Variants in ZNF644 observed in about 807,000 individuals in gnomAD.
ZNF644 encodes the protein zinc finger protein 644, also known as zinc finger motif enhancer binding protein 2.
Under a neutral mutation model 108.0 loss-of-function variants are expected in ZNF644, and 20 were observed. That is an observed-to-expected ratio of 0.19 (90% CI 0.13 to 0.27). The LOEUF (loss-of-function observed/expected upper bound fraction) is 0.27. Among genes scored for constraint, ZNF644 ranks in the 10% least tolerant of loss-of-function variants. The probability of loss-of-function intolerance (pLI) is 1.00; values close to 1 mark genes in which losing one functional copy is unlikely to be tolerated. For missense variants in ZNF644, 1,338 were observed against 1,548.9 expected (o/e 0.86, Z 2.29); for synonymous variants, 542 against 539.1 (o/e 1.01, Z -0.08).
chr1:91,009,354 A>G (rs1659736636), intron 1 of ZNF644, among the ~76,000 whole-genome samples: 1 of 152,088 alleles, frequency 6.6e-6, no homozygotes, highest in South Asian at 2.1e-4. Flanking sequence ...AAACTGTATT[A>G]CTTCTATTTT....
chr1:90,967,211 G>A (rs1222160291), intron 2 of ZNF644, among the ~76,000 whole-genome samples: 3 of 152,028 alleles, frequency 2.0e-5, no homozygotes, highest in Non-Finnish European at 2.9e-5. Flanking sequence ...CTTCACCATA[G>A]GGCCTCTGTA....
At chr1:90,953,297 C>G (rs1028056128) in intron 2 of ZNF644, among the ~76,000 whole-genome samples, 5 of 103,550 alleles carry the variant, frequency 4.8e-5, no homozygotes, top group Admixed American at 1.0e-4. Context: ...AATGAGCCAC[C>G]ATTTTTTTTT....
chr1:90,953,848 A>G (rs1205313607), intron 2 of ZNF644, among the ~76,000 whole-genome samples: 1 of 151,994 alleles, frequency 6.6e-6, no homozygotes, highest in African/African-American at 2.4e-5. Flanking sequence ...CCTGGGAGGC[A>G]GAGGTTGCAG....
chr1:90,927,598 AT>A (rs373746358), intron 4 of ZNF644, among the ~76,000 whole-genome samples: 79 of 152,320 alleles, frequency 5.2e-4, no homozygotes, highest in Middle Eastern at 3.4e-3. Flanking sequence ...AACTCAGATA[AT>A]TCGTTACCTT....
At chr1:90,923,374 A>G (rs1649684029) in intron 4 of ZNF644, among the ~76,000 whole-genome samples, 1 of 152,100 alleles carries the variant, frequency 6.6e-6, no homozygotes, top group Non-Finnish European at 1.5e-5. Context: ...GCTGAGAAAA[A>G]TTGTTAAATC....
intron 2 of ZNF644, among the ~76,000 whole-genome samples, chr1:90,949,496 T>C (rs1319772525): frequency 6.6e-6 from 1 of 152,144 alleles, no homozygotes; most frequent in Admixed American, 6.5e-5. Context: ...ACAAAATATA[T>C]TAGTGTGCTT....
intron 1 of ZNF644, among the ~76,000 whole-genome samples, chr1:90,982,836 T>C (rs921214148): frequency 6.6e-6 from 1 of 152,044 alleles, no homozygotes; most frequent in Non-Finnish European, 1.5e-5. Flanking sequence ...ACAAAGTAAT[T>C]TGTTAGAGCA....
intron 5 of ZNF644, among the ~76,000 whole-genome samples, chr1:90,917,562 A>C (rs1283844303): frequency 2.0e-5 from 3 of 152,036 alleles, no homozygotes; most frequent in Admixed American, 2.0e-4. Context: ...CAGTGGCACG[A>C]TCTCGGCCCA....
chr1:90,992,021 G>A (rs967210341), intron 1 of ZNF644, among the ~76,000 whole-genome samples: 2 of 151,902 alleles, frequency 1.3e-5, no homozygotes, highest in African/African-American at 2.4e-5. Flanking sequence ...AAAAAAATAC[G>A]TTGAGTTAAA....
chr1:90,975,040 T>A (rs1490378702), intron 2 of ZNF644, among the ~76,000 whole-genome samples: 1 of 152,222 alleles, frequency 6.6e-6, no homozygotes, highest in African/African-American at 2.4e-5. Context: ...ACATTTTTTA[T>A]CCACATTAAT....
chr1:90,982,884 T>C (rs558869116), intron 1 of ZNF644, among the ~76,000 whole-genome samples: 3 of 152,070 alleles, frequency 2.0e-5, no homozygotes, highest in Non-Finnish European at 2.9e-5. Context: ...ACTGATTACT[T>C]ACTAAATGCC....
chr1:91,022,014 C>A lies in ZNF644; in HGVS notation c.-42G>T. 2.5e-6 allele frequency: 1 copy of A among 398,900 alleles called. No homozygotes were observed. The highest frequency in any genetic ancestry group is 4.4e-6 in the Non-Finnish European group (1 of 225,980). The allele number at this position is 398,900 out of a possible 1,614,324, so 24.7% of individuals were successfully genotyped here. The stretch of plus-strand genomic sequence containing the variant: ...CAGTTTGGTGCCGTGTGCGTCAAAC[C>A]GGGGCGACGTTGGGAGCACGCGGCG... On this transcript the variant is annotated 5_prime_UTR_variant, in exon 1 of 6. Coordinates refer to ENST00000337393, the MANE Select transcript of ZNF644 (RefSeq NM_201269.3).
At chr1:90,955,694 T>A (rs549520091) in intron 2 of ZNF644, among the ~76,000 whole-genome samples, 18 of 152,382 alleles carry the variant, frequency 1.2e-4, no homozygotes, top group African/African-American at 4.1e-4. Flanking sequence ...TTGATCTGGA[T>A]TAAGCTTTTG....
chr1:90,934,251 G>T (rs1186048126), intron 4 of ZNF644, among the ~76,000 whole-genome samples: 1 of 152,066 alleles, frequency 6.6e-6, no homozygotes, highest in Non-Finnish European at 1.5e-5. Flanking sequence ...TCAAGTTAAG[G>T]AAGAATGCAA....
At position 90,937,835 on chromosome 1, in the gene ZNF644, G is replaced by A; in HGVS notation, c.3338C>T (p.Ser1113Leu). 1.2e-6 allele frequency: 2 copies of A among 1,613,844 alleles called. No individual in the cohort carries two copies. The highest frequency in any genetic ancestry group is 1.7e-6 in the Non-Finnish European group (2 of 1,179,870). ...PRPFVAQKLASSDDFISQNVI... is the reference protein window; with the variant it reads ...PRPFVAQKLALSDDFISQNVI... ...ATTTTGAGATATAAAGTCATCACTT[G>A]ATGCAAGTTTTTGAGCTACAAATGG... Residue 1113 changes from serine (S) to leucine (L), a missense_variant, in exon 4 of 6, where the codon TCA (serine) becomes TTA (leucine). By Grantham distance (145) the Ser-to-Leu change is moderately radical. Transcript: ENST00000337393.
At chr1:91,014,732 G>A (rs1198414945) in intron 1 of ZNF644, among the ~76,000 whole-genome samples, 6 of 151,462 alleles carry the variant, frequency 4.0e-5, no homozygotes, top group Non-Finnish European at 7.4e-5. Context: ...AGAGCAATAC[G>A]ACACCACTTG....
At chr1:90,986,249 A>G (rs1657081340) in intron 1 of ZNF644, among the ~76,000 whole-genome samples, 1 of 152,076 alleles carries the variant, frequency 6.6e-6, no homozygotes, top group Non-Finnish European at 1.5e-5. Context: ...AAAACATCAG[A>G]CAAATTCCAA....
chr1:90,968,237 T>A (rs935973119), intron 2 of ZNF644, among the ~76,000 whole-genome samples: 1 of 152,152 alleles, frequency 6.6e-6, no homozygotes, highest in African/African-American at 2.4e-5. Context: ...GGAAAATTTT[T>A]AAAATTTCCT....
At chr1:90,937,464 T>C (rs1345960665) in intron 4 of ZNF644, 21 bp downstream of exon 4, 1 of 1,613,430 alleles carries the variant, frequency 6.2e-7, no homozygotes, top group Non-Finnish European at 8.5e-7. Context: ...GTGTATAGCA[T>C]AGTCATAAAC....
Sources: allele counts gnomAD v4.1 joint callset (sites outside exome capture counted in the v4.1 genomes callset), GRCh38; gene constraint gnomAD v4.1.1; transcripts MANE v1.5; gene names NCBI Gene and HGNC (gene_info 2026-07-23, HGNC 2026-07-21).